PDGFRL: variants seen among roughly 807,000 people sequenced by gnomAD.
PDGFRL encodes platelet derived growth factor receptor like.
Under a neutral mutation model 37.2 loss-of-function variants are expected in PDGFRL, and 46 were observed. The observed-to-expected ratio is 1.24, with a 90% CI of 0.98 to 1.58. PDGFRL has a LOEUF of 1.58. Ranked by LOEUF, PDGFRL falls within the 40% of genes most tolerant of loss-of-function variation. The pLI, the probability that PDGFRL is intolerant of heterozygous loss-of-function variation, is 0.00. For missense variants in PDGFRL, 692 were observed against 467.6 expected, an observed-to-expected ratio of 1.48 and a Z score of -4.43; for synonymous variants, 251 against 184.3, an observed-to-expected ratio of 1.36 and a Z score of -2.93.
chr8:17,629,064 T>C lies in PDGFRL; in HGVS notation c.799+284T>C, dbSNP rs559461853. ...TCCTGAGTAGCTGGAACCACAGGTA[T>C]GAGCCACCATGCCCTGCTAACTTTT... is the stretch of plus-strand genomic sequence containing the variant. On this transcript the variant is annotated intron_variant, in intron 4 of 5. Transcript: ENST00000251630. 2.0e-5 allele frequency among the ~76,000 whole-genome samples: 3 copies of C among 150,812 alleles called. No homozygotes were observed. The South Asian group carries it at 6.3e-4, about 32-fold the overall frequency.
chr8:17,596,138 C>T (rs1804047685), intron 2 of PDGFRL, among the ~76,000 whole-genome samples: 1 of 152,330 alleles, frequency 6.6e-6, no homozygotes, highest in Admixed American at 6.5e-5. Context: ...GCTGGGGGAC[C>T]TGGGCCATCC....
intron 2 of PDGFRL, among the ~76,000 whole-genome samples, chr8:17,596,785 A>T (rs187496979): frequency 4.2e-4 from 64 of 152,370 alleles, no homozygotes; most frequent in African/African-American, 1.5e-3. Context: ...ACATCTAGTC[A>T]TAGCTATATC....
rs1804623764 is a variant in PDGFRL, at chr8:17,621,171, CA to C, written c.478del (p.Thr160ArgfsTer27). 1.1e-5 allele frequency: 17 copies of C among 1,610,082 alleles called. No homozygotes were observed. The highest frequency in any genetic ancestry group is 1.4e-5 in the Non-Finnish European group (17 of 1,177,446). On this transcript the variant is annotated frameshift_variant, in exon 3 of 6. Transcript: ENST00000251630. LOFTEE classifies it high-confidence loss of function. ...SGYICRKDEA[K>X]TGSTYIFFTE... ...GCTACATCTGCAGGAAGGACGAGGC[CA>C]AAACGGGCTCCACCTACATCTTTTT...
At chr8:17,586,869 A>G (rs1238400468) in intron 1 of PDGFRL, among the ~76,000 whole-genome samples, 1 of 152,208 alleles carries the variant, frequency 6.6e-6, no homozygotes, top group Non-Finnish European at 1.5e-5. Flanking sequence ...CTGGACCTGA[A>G]GCTAGTAATG....
intron 3 of PDGFRL, among the ~76,000 whole-genome samples, chr8:17,622,996 G>T (rs1049978132): frequency 2.6e-5 from 4 of 152,156 alleles, no homozygotes; most frequent in Non-Finnish European, 5.9e-5. Context: ...TAGGTCAGAG[G>T]TTCTCTAAGG....
chr8:17,636,840 T>A (rs574552175), intron 5 of PDGFRL, among the ~76,000 whole-genome samples: 1 of 152,256 alleles, frequency 6.6e-6, no homozygotes, highest in East Asian at 1.9e-4. Context: ...CCTCCTTGAT[T>A]AGGTATATTT....
At chr8:17,577,714 C>CGGTG (rs1803617468) in intron 1 of PDGFRL, among the ~76,000 whole-genome samples, 1 of 151,698 alleles carries the variant, frequency 6.6e-6, no homozygotes, top group Admixed American at 6.6e-5. Flanking sequence ...AGAGCGAGTG[C>CGGTG]CACCTAAGCT....
chr8:17,578,528 T>C (rs1408636407), intron 1 of PDGFRL, among the ~76,000 whole-genome samples: 4 of 152,208 alleles, frequency 2.6e-5, no homozygotes, highest in Admixed American at 6.5e-5. Context: ...GTTCAGTTTG[T>C]AAAATGCAAT....
chr8:17,604,469 G>T (rs998576166), intron 2 of PDGFRL, among the ~76,000 whole-genome samples: 1 of 152,024 alleles, frequency 6.6e-6, no homozygotes, highest in African/African-American at 2.4e-5. Flanking sequence ...ATCATTCTCA[G>T]CAAACTGTCG....
At chr8:17,599,676 T>C (rs192949969) in intron 2 of PDGFRL, among the ~76,000 whole-genome samples, 1 of 152,356 alleles carries the variant, frequency 6.6e-6, no homozygotes, top group Non-Finnish European at 1.5e-5. Context: ...AATACATTTC[T>C]CTAGAAAGGT....
chr8:17,618,319 G>A (rs929605957), intron 2 of PDGFRL, among the ~76,000 whole-genome samples: 7 of 152,284 alleles, frequency 4.6e-5, no homozygotes, highest in South Asian at 2.1e-4. Flanking sequence ...GCCTCCCAAA[G>A]TGTTGGGATT....
chr8:17,587,554 C>G (rs1208782758), intron 1 of PDGFRL, among the ~76,000 whole-genome samples: 1 of 151,932 alleles, frequency 6.6e-6, no homozygotes, highest in Non-Finnish European at 1.5e-5. Flanking sequence ...TTCTTTCTTT[C>G]TTTTTTTGAG....
intron 3 of PDGFRL, among the ~76,000 whole-genome samples, chr8:17,625,582 C>T (rs1382733029): frequency 6.6e-6 from 1 of 152,178 alleles, no homozygotes; most frequent in Non-Finnish European, 1.5e-5. Context: ...CAAACTTCAA[C>T]ACTTTGTTAT....
At chr8:17,607,233 C>G (rs1297446436) in intron 2 of PDGFRL, among the ~76,000 whole-genome samples, 2 of 152,108 alleles carry the variant, frequency 1.3e-5, no homozygotes, top group Non-Finnish European at 2.9e-5. Context: ...CTGTGGAGGG[C>G]TCACTGATGC....
intron 2 of PDGFRL, among the ~76,000 whole-genome samples, chr8:17,597,630 T>C (rs1029055573): frequency 2.0e-5 from 3 of 152,196 alleles, no homozygotes; most frequent in African/African-American, 4.8e-5. Context: ...GCTTTATTCA[T>C]CAGTGATTTT....
intron 1 of PDGFRL, among the ~76,000 whole-genome samples, chr8:17,588,791 T>C (rs953338930): frequency 6.6e-6 from 1 of 152,196 alleles, no homozygotes; most frequent in Non-Finnish European, 1.5e-5. Context: ...TGACAACATA[T>C]AGACTGCAAA....
intron 4 of PDGFRL, among the ~76,000 whole-genome samples, chr8:17,633,455 G>A (rs962892852): frequency 9.2e-5 from 14 of 152,252 alleles, no homozygotes; most frequent in Admixed American, 8.5e-4. Context: ...GTGAACCCGG[G>A]AGGCAGAACT....
At chr8:17,598,019 C>T (rs373147510) in intron 2 of PDGFRL, among the ~76,000 whole-genome samples, 6 of 152,132 alleles carry the variant, frequency 3.9e-5, no homozygotes, top group Admixed American at 1.3e-4. Context: ...TGAGTTTTTA[C>T]TATCATAAAT....
At chr8:17,632,556 C>T (rs552832889) in intron 4 of PDGFRL, among the ~76,000 whole-genome samples, 3 of 152,256 alleles carry the variant, frequency 2.0e-5, no homozygotes, top group Admixed American at 6.5e-5. Context: ...AGGCTGGCCT[C>T]GAACTCCTGA....
Sources: gnomAD v4.1 joint callset for allele counts (sites outside exome capture counted in the v4.1 genomes callset) on GRCh38, gnomAD v4.1.1 for gene constraint, MANE v1.5 for transcripts, NCBI Gene and HGNC (gene_info 2026-07-23, HGNC 2026-07-21) for gene names.